The following CRISP1 variants were observed in gnomAD, a reference collection of about 807,000 sequenced individuals.
CRISP1 encodes cysteine-rich secretory protein 1.
In CRISP1, 44 loss-of-function variants were observed where a neutral mutation model predicts 33.1. The ratio of observed to expected loss-of-function variants is 1.33; its 90% confidence interval spans 1.05 to 1.71. The LOEUF is 1.71. Among genes scored for constraint, CRISP1 ranks in the 40% most tolerant of loss-of-function variants. The pLI, the probability that CRISP1 is intolerant of heterozygous loss-of-function variation, is 0.00. For synonymous variants in CRISP1, 103 were observed against 98.7 expected, an observed-to-expected ratio of 1.04 and a Z score of -0.26; for missense variants, 390 against 301.2, an observed-to-expected ratio of 1.29 and a Z score of -2.18.
intron 2 of CRISP1, among the ~76,000 whole-genome samples, chr6:49,854,216 A>C (rs1218237096): frequency 6.6e-6 from 1 of 152,064 alleles, no homozygotes; most frequent in Non-Finnish European, 1.5e-5. Flanking sequence ...CATTCTTTCT[A>C]ATCTTTCTAA....
rs11317901 is a variant in CRISP1 at position 49,847,694 on chromosome 6, GTT to G, written c.286+513_286+514del. Among the ~76,000 whole-genome samples, 5 of 151,482 alleles carry G rather than the reference GTT, an allele frequency of 3.3e-5. No individual in the cohort carries two copies. In the East Asian group the frequency reaches 7.7e-4, roughly 23 times the overall value. On this transcript the variant is annotated intron_variant, in intron 4 of 7. Transcript: ENST00000335847. ...AACAGCGTAACACAGAAGCAATAATGTTTTTTTTTATTATTTCCTGGAAACTA... is the reference window on the plus strand; with the variant it reads ...AACAGCGTAACACAGAAGCAATAATGTTTTTTTATTATTTCCTGGAAACTA...
intron 5 of CRISP1, among the ~76,000 whole-genome samples, chr6:49,843,793 G>C (rs1771070351): frequency 6.6e-6 from 1 of 151,282 alleles, no homozygotes; most frequent in Non-Finnish European, 1.5e-5. Context: ...GGGGAGTGTT[G>C]ATAGAAATAA....
intron 1 of CRISP1, among the ~76,000 whole-genome samples, chr6:49,861,282 T>C (rs768755362): frequency 3.0e-4 from 46 of 152,032 alleles, no homozygotes; most frequent in Admixed American, 1.3e-3. Context: ...CAGACAAGGA[T>C]GCAACAAAGA....
rs1770964425 is a variant in CRISP1 at position 49,840,909 on chromosome 6, G to C, written c.522C>G (p.His174Gln). Residue 174 changes from histidine to glutamine, a missense_variant, in exon 6 of 8, where the codon CAC becomes CAG. Physicochemically the swap from His to Gln is conservative, Grantham distance 24 (BLOSUM62 0). Transcript: ENST00000335847. ...CTAATAATACATACTCATGACAATA[G>C]TGACAAACGTAGAGATATCGAGGTG... ...QGSPRYLYVC[H>Q]YCHEGNDPET... 6.2e-7 allele frequency: 1 copy of C among 1,612,798 alleles called. No individual in the cohort carries two copies. Among genetic ancestry groups the C allele is most frequent in the Admixed American group, 1.7e-5 (1 of 60,006 alleles).
rs1771179993 is a variant in CRISP1 at position 49,846,604 on chromosome 6, T to C, written c.351A>G (p.Gly117=). ...AACTTGTAGACTCACTGTACCAGACTCCAATTACACTTGACCATGATACAG... is the reference window on the plus strand; with the variant it reads ...AACTTGTAGACTCACTGTACCAGACCCCAATTACACTTGACCATGATACAG... ...SYPVSWSSVI[G]VWYSESTSFK... is the part of the protein sequence containing the mutation. The change falls in exon 5 of 8, where the codon GGA becomes GGG. Residue 117 remains glycine, a synonymous_variant. Coordinates refer to ENST00000335847, the MANE Select transcript of CRISP1 (RefSeq NM_001131.3). 6.2e-7 allele frequency: 1 copy of C among 1,613,472 alleles called. No individual in the cohort carries two copies. The highest frequency in any genetic ancestry group is 8.5e-7 in the Non-Finnish European group (1 of 1,179,684).
chr6:49,860,706 G>T (rs546488324), intron 1 of CRISP1, among the ~76,000 whole-genome samples: 2 of 151,992 alleles, frequency 1.3e-5, no homozygotes, highest in Admixed American at 1.3e-4. Flanking sequence ...TGCATCTCAA[G>T]AACTAAATGA....
chr6:49,871,527 A>C (rs1221291968), upstream of CRISP1, among the ~76,000 whole-genome samples: 1 of 150,670 alleles, frequency 6.6e-6, no homozygotes, highest in Non-Finnish European at 1.5e-5. Context: ...AAAAGGGATA[A>C]GCCAAATGCT....
At chr6:49,841,946 T>A (rs2127470165) in intron 5 of CRISP1, among the ~76,000 whole-genome samples, 1 of 152,342 alleles carries the variant, frequency 6.6e-6, no homozygotes, top group African/African-American at 2.4e-5. Flanking sequence ...TCAGTAAGTG[T>A]GATTGTTCTC....
chr6:49,844,872 C>T lies in CRISP1; in HGVS notation c.435+1648G>A, dbSNP rs373564578. On this transcript the variant is annotated intron_variant, in intron 5 of 7. Coordinates refer to ENST00000335847, the MANE Select transcript of CRISP1 (RefSeq NM_001131.3). ...TTTTGTTTCATAGGTTCACTCCTGG[C>T]GAGAAATTTTACCTCTGGATGAATC... 5.9e-5 allele frequency among the ~76,000 whole-genome samples: 9 copies of T among 152,122 alleles called. No individual in the cohort carries two copies. In the South Asian group the frequency reaches 1.0e-3, roughly 18 times the overall value.
intron 1 of CRISP1, among the ~76,000 whole-genome samples, chr6:49,862,946 T>A (rs1323432316): frequency 6.6e-6 from 1 of 152,090 alleles, no homozygotes; most frequent in Non-Finnish European, 1.5e-5. Context: ...AAATTAAGCA[T>A]TTCAGAATGA....
chr6:49,837,079 T>G (rs1770824539), intron 7 of CRISP1, among the ~76,000 whole-genome samples: 2 of 152,104 alleles, frequency 1.3e-5, no homozygotes, highest in Non-Finnish European at 2.9e-5. Flanking sequence ...TTATATACTT[T>G]CCTAATATTA....
chr6:49,868,685 C>T (rs1217460155), upstream of CRISP1, among the ~76,000 whole-genome samples: 2 of 152,182 alleles, frequency 1.3e-5, no homozygotes, highest in East Asian at 1.9e-4. Context: ...CTCTCCTTTC[C>T]CTTCACTTTC....
intron 6 of CRISP1, among the ~76,000 whole-genome samples, chr6:49,839,164 A>G (rs1419948863): frequency 6.6e-6 from 1 of 150,998 alleles, no homozygotes; most frequent in Non-Finnish European, 1.5e-5. Context: ...GCAGGGCTCA[A>G]TGACTTATCC....
upstream of CRISP1, among the ~76,000 whole-genome samples, chr6:49,868,413 G>A (rs1462982193): frequency 6.6e-6 from 1 of 152,030 alleles, no homozygotes; most frequent in Non-Finnish European, 1.5e-5. Flanking sequence ...GATTATCCCA[G>A]AAAAATCTTG....
intron 7 of CRISP1, among the ~76,000 whole-genome samples, chr6:49,836,107 C>T (rs1428437370): frequency 1.3e-5 from 2 of 152,152 alleles, no homozygotes; most frequent in Admixed American, 1.3e-4. Flanking sequence ...GACCTGAATT[C>T]TCTATCACAA....
chr6:49,862,161 C>T (rs1318606711), intron 1 of CRISP1, among the ~76,000 whole-genome samples: 2 of 152,106 alleles, frequency 1.3e-5, no homozygotes, highest in African/African-American at 4.8e-5. Context: ...AACCTAAAGA[C>T]TCCACCAAAT....
chr6:49,839,011 G>A (rs1417702820), intron 6 of CRISP1, among the ~76,000 whole-genome samples: 2 of 152,122 alleles, frequency 1.3e-5, no homozygotes, highest in Admixed American at 1.3e-4. Context: ...CTTTTTACAT[G>A]TTAATGTCTT....
At chr6:49,861,103 A>T (rs1368345376) in intron 1 of CRISP1, among the ~76,000 whole-genome samples, 2 of 152,058 alleles carry the variant, frequency 1.3e-5, no homozygotes, top group Non-Finnish European at 2.9e-5. Context: ...TATAATAAAA[A>T]CTCTACCAAT....
intron 7 of CRISP1, among the ~76,000 whole-genome samples, chr6:49,837,538 A>G (rs567876416): frequency 5.9e-5 from 9 of 151,890 alleles, no homozygotes; most frequent in South Asian, 2.1e-4. Context: ...AGAGAAAGAG[A>G]GAGGGAGACA....
Sources: allele counts gnomAD v4.1 joint callset (sites outside exome capture counted in the v4.1 genomes callset), GRCh38; gene constraint gnomAD v4.1.1; transcripts MANE v1.5; gene names NCBI Gene and HGNC (gene_info 2026-07-23, HGNC 2026-07-21).